IFNGR2: variants seen among roughly 807,000 people sequenced by gnomAD.
The protein encoded by IFNGR2 is IFN-gamma receptor 2.
IFNGR2 carries 15 observed loss-of-function variants against 41.1 expected under a neutral mutation model. That is an observed-to-expected ratio of 0.37 (90% CI 0.24 to 0.56). The LOEUF is 0.56. IFNGR2 is among the 20% of genes least tolerant of loss of function. The pLI is 0.81. For missense variants in IFNGR2, 362 were observed against 415.7 expected (o/e 0.87, Z 1.12); for synonymous variants, 161 against 171.6 (o/e 0.94, Z 0.48).
chr21:33,421,157 C>T (rs1207133440), intron 2 of IFNGR2, among the ~76,000 whole-genome samples: 1 of 152,064 alleles, frequency 6.6e-6, no homozygotes, highest in Non-Finnish European at 1.5e-5. Flanking sequence ...CATGGTGACA[C>T]CCCATCTCTA....
Position 33,432,227 on chromosome 21 carries a change from C to G in IFNGR2, c.612C>G (p.Pro204=). The G allele has an allele frequency of 6.2e-7, 1 of 1,614,048 alleles. No homozygotes were observed. Among genetic ancestry groups the G allele is most frequent in the South Asian group, 1.1e-5 (1 of 91,082 alleles). Residue 204 remains proline (P), a synonymous_variant, in exon 5 of 7, where the codon CCC becomes CCG. Transcript: ENST00000290219. ...SNSISLDNLK[P]SRVYCLQVQA... ...CCATTTCATTGGATAACTTAAAACC[C>G]TCCAGAGTGTACTGTTTACAAGTCC... is the stretch of plus-strand genomic sequence containing the variant.
rs916780743 is a variant in IFNGR2 at position 33,432,237 on chromosome 21, T to C, written c.622T>C (p.Tyr208His). 1.9e-6 allele frequency: 3 copies of C among 1,613,966 alleles called. No homozygotes were observed. The highest frequency in any genetic ancestry group is 2.5e-6 in the Non-Finnish European group (3 of 1,179,790). The change falls in exon 5 of 7, where the codon TAC becomes CAC. Residue 208 changes from tyrosine to histidine, a missense_variant. Transcript: ENST00000290219. ...SLDNLKPSRV[Y>H]CLQVQAQLLW... ...GGATAACTTAAAACCCTCCAGAGTG[T>C]ACTGTTTACAAGTCCAGGCACAACT...
chr21:33,436,974 G>A lies in IFNGR2; in HGVS notation c.*12G>A, dbSNP rs1228313341. 3 of 1,613,604 alleles carry A rather than the reference G, an allele frequency of 1.9e-6. No homozygotes were observed. The highest frequency in any genetic ancestry group is 2.5e-6 in the Non-Finnish European group (3 of 1,179,778). On this transcript the variant is annotated 3_prime_UTR_variant, in exon 7 of 7. Transcript: ENST00000290219. ...TCCAAACGCTTTGAACCAAAGCATG[G>A]GCCTAGCCCACTGGCTCCCTGGAAG...
chr21:33,432,738 T>C lies in IFNGR2; in HGVS notation c.746T>C (p.Ile249Thr), dbSNP rs1432264726. The change falls in exon 6 of 7, where the codon ATC becomes ACC. Residue 249 changes from isoleucine (I) to threonine (T), a missense_variant. By Grantham distance (89) the Ile-to-Thr change is moderately conservative (BLOSUM62 -1). Coordinates refer to ENST00000290219, the MANE Select transcript of IFNGR2 (RefSeq NM_005534.4). ...ADASTELQQV[I>T]LISVGTFSLL... ...GCCTCCACTGAGCTTCAGCAAGTCA[T>C]CCTGATCTCCGTGGGAACATTTTCG... is the stretch of plus-strand genomic sequence containing the variant. The C allele has an allele frequency of 6.2e-7, 1 of 1,614,188 alleles. No individual in the cohort carries two copies. Among genetic ancestry groups the C allele is most frequent in the South Asian group, 1.1e-5 (1 of 91,088 alleles).
chr21:33,405,116 A>T (rs901621677), intron 1 of IFNGR2, among the ~76,000 whole-genome samples: 2 of 151,664 alleles, frequency 1.3e-5, no homozygotes, highest in African/African-American at 4.9e-5. Context: ...AAAAAAAAAA[A>T]AAAAAAAGAA....
chr21:33,430,459 T>G (rs2083876372), intron 4 of IFNGR2, among the ~76,000 whole-genome samples: 1 of 152,246 alleles, frequency 6.6e-6, no homozygotes, highest in Non-Finnish European at 1.5e-5. Flanking sequence ...ATTTTAATTT[T>G]TCAGAGACAA....
intron 1 of IFNGR2, among the ~76,000 whole-genome samples, chr21:33,412,497 T>C (rs941850477): frequency 4.6e-5 from 7 of 152,202 alleles, no homozygotes; most frequent in African/African-American, 1.7e-4. Context: ...AGGTCCCCGA[T>C]ACCGTCAAGG....
At position 33,418,075 on chromosome 21, in the gene IFNGR2, T is replaced by C. The variant is rs1484120191; in HGVS notation, c.206+3055T>C. Among the ~76,000 whole-genome samples the C allele has an allele frequency of 3.3e-5, 5 of 152,258 alleles. No individual in the cohort carries two copies. The East Asian group carries it at 9.6e-4, about 29-fold the overall frequency. On this transcript the variant is annotated intron_variant, in intron 2 of 6. Transcript: ENST00000290219. The stretch of plus-strand genomic sequence containing the variant: ...TCTCGCTCTGTCATCCAGGCTGGAG[T>C]GCAGTGGCGTGATCTCAGCTGACTG...
chr21:33,408,712 C>T (rs1316006787), intron 1 of IFNGR2, among the ~76,000 whole-genome samples: 1 of 152,136 alleles, frequency 6.6e-6, no homozygotes, highest in Admixed American at 6.5e-5. Context: ...TCTGTATTAC[C>T]ATGTGTACTA....
intron 1 of IFNGR2, among the ~76,000 whole-genome samples, chr21:33,414,596 C>T (rs1415471244): frequency 6.6e-6 from 1 of 152,176 alleles, no homozygotes; most frequent in Non-Finnish European, 1.5e-5. Flanking sequence ...GACCCCAGTC[C>T]GGCCAGACTC....
chr21:33,406,027 C>T (rs1481886626), intron 1 of IFNGR2, among the ~76,000 whole-genome samples: 1 of 151,246 alleles, frequency 6.6e-6, no homozygotes, highest in Non-Finnish European at 1.5e-5. Flanking sequence ...AAGACTCTAT[C>T]TCAAAAAAAC....
intron 6 of IFNGR2, among the ~76,000 whole-genome samples, chr21:33,434,013 C>T (rs2083918252): frequency 6.6e-6 from 1 of 152,062 alleles, no homozygotes; most frequent in African/African-American, 2.4e-5. Context: ...AGTCAACACC[C>T]AGAGCTGTGA....
chr21:33,407,853 C>CG (rs993047074), intron 1 of IFNGR2, among the ~76,000 whole-genome samples: 2 of 143,850 alleles, frequency 1.4e-5, no homozygotes, highest in African/African-American at 5.2e-5. Flanking sequence ...CGCACCCCCC[C>CG]CCGCCAACCC....
At chr21:33,425,301 C>T (rs376001287) in intron 3 of IFNGR2, among the ~76,000 whole-genome samples, 2 of 152,174 alleles carry the variant, frequency 1.3e-5, no homozygotes, top group Admixed American at 6.5e-5. Context: ...CACACATTGT[C>T]GTCCAGTGTT....
Position 33,414,911 on chromosome 21 carries a change from C to T in IFNGR2, c.97C>T (p.Pro33Ser). 6.2e-7 allele frequency: 1 copy of T among 1,614,180 alleles called. No individual in the cohort carries two copies. Among genetic ancestry groups the T allele is most frequent in the Non-Finnish European group, 8.5e-7 (1 of 1,180,028 alleles). Reference protein sequence around the residue: ...PPDPLSQLPAPQHPKIRLYNA... With the variant: ...PPDPLSQLPASQHPKIRLYNA... ...AGACCCTCTTTCCCAGCTGCCCGCT[C>T]CTCAGCACCCGAAGATTCGCCTGTA... Residue 33 changes from proline (P) to serine (S), a missense_variant, in exon 2 of 7, where the codon CCT becomes TCT. Coordinates refer to ENST00000290219, the MANE Select transcript of IFNGR2 (RefSeq NM_005534.4).
chr21:33,405,179 G>C (rs1407411461), intron 1 of IFNGR2, among the ~76,000 whole-genome samples: 2 of 152,004 alleles, frequency 1.3e-5, no homozygotes, highest in African/African-American at 4.8e-5. Flanking sequence ...TCTTGTGTAT[G>C]TATCTGCTTT....
chr21:33,427,844 C>CTTTTTTT (rs71194844), intron 4 of IFNGR2, among the ~76,000 whole-genome samples: 26 of 125,492 alleles, frequency 2.1e-4, no homozygotes, highest in South Asian at 4.8e-4. Flanking sequence ...CTCATTTCAT[C>CTTTTTTT]TTTTTTTTTT....
chr21:33,405,107 A>G (rs1297747648), intron 1 of IFNGR2, among the ~76,000 whole-genome samples: 1 of 51,946 alleles, frequency 1.9e-5, no homozygotes, highest in South Asian at 4.7e-4. Context: ...GTCTCAGAAA[A>G]AAAAAAAAAA....
intron 2 of IFNGR2, among the ~76,000 whole-genome samples, chr21:33,419,653 G>A (rs1042750540): frequency 2.0e-5 from 3 of 152,154 alleles, no homozygotes; most frequent in Admixed American, 6.6e-5. Flanking sequence ...AGTCATGGGC[G>A]TAGACAGTTG....
Sources: gnomAD v4.1 joint callset for allele counts (sites outside exome capture counted in the v4.1 genomes callset) on GRCh38, gnomAD v4.1.1 for gene constraint, MANE v1.5 for transcripts, NCBI Gene and HGNC (gene_info 2026-07-23, HGNC 2026-07-21) for gene names.